The following GALNT16 variants were observed in gnomAD, a reference collection of about 807,000 sequenced individuals.
The protein encoded by GALNT16 is polypeptide N-acetylgalactosaminyltransferase 16.
Under a neutral mutation model 76.1 loss-of-function variants are expected in GALNT16, and 40 were observed. The observed-to-expected ratio is 0.53, with a 90% confidence interval of 0.41 to 0.68. The LOEUF is 0.68. Ranked by LOEUF, GALNT16 falls within the 30% of genes least tolerant of loss-of-function variation. The pLI is 0.00. For missense variants in GALNT16, 621 were observed against 731.9 expected (o/e 0.85, Z 1.75); for synonymous variants, 276 against 285.2 (o/e 0.97, Z 0.32).
chr14:69,341,013 G>A (rs111499492), intron 11 of GALNT16, among the ~76,000 whole-genome samples: 238 of 152,194 alleles, frequency 1.6e-3, no homozygotes, highest in African/African-American at 5.6e-3. Context: ...GAAAAAATAA[G>A]TTATGTCACT....
chr14:69,384,227 TA>T, the GALNT16 span, among the ~76,000 whole-genome samples: 1 of 152,224 alleles, frequency 6.6e-6, no homozygotes. Context: ...TAATTAAAAA[TA>T]AAACTCTATC....
intron 1 of GALNT16, among the ~76,000 whole-genome samples, chr14:69,287,211 G>A (rs2044625214): frequency 6.6e-6 from 1 of 152,130 alleles, no homozygotes; most frequent in African/African-American, 2.4e-5. Context: ...AGCATCTTTT[G>A]TACAATTGCC....
In GALNT16 at chr14:69,333,215, C is replaced by T. The variant is rs747905772; in HGVS notation, c.863+46C>T. 1.5e-6 allele frequency: 2 copies of T among 1,350,038 alleles called. No individual in the cohort carries two copies. The highest frequency in any genetic ancestry group is 1.9e-5 in the Admixed American group (1 of 51,480). 83.6% of individuals were successfully genotyped at this position (1,350,038 alleles called of 1,614,324 possible). ...TGGGGGACCCCTTCCTTCCCTGGGT[C>T]AGGGGCCTGGGAGGCTCTTGGGAGG... is the stretch of plus-strand genomic sequence containing the variant. On this transcript the variant is annotated intron_variant, in intron 8 of 14. Coordinates refer to ENST00000448469, the MANE Select transcript of GALNT16 (RefSeq NM_001168368.2). This position sits in a 1 kb window ranked among gnomAD's most constrained non-coding sequence, Gnocchi z 4.2.
the GALNT16 span, among the ~76,000 whole-genome samples, chr14:69,379,331 T>A: frequency 6.6e-6 from 1 of 152,312 alleles, no homozygotes; most frequent in South Asian, 2.1e-4. Context: ...TCTAATAATC[T>A]CTTGGTACAG....
At chr14:69,325,836 C>T in intron 4 of GALNT16, 126 bp from the exon 5 acceptor site, 2 of 739,634 alleles carry the variant, frequency 2.7e-6, no homozygotes, top group Non-Finnish European at 4.8e-6. Context: ...GATGACCATA[C>T]CTCTTCCCAA....
In GALNT16 at chr14:69,352,210, G is replaced by T; in HGVS notation, c.*42G>T. The T allele has an allele frequency of 6.5e-7, 1 of 1,544,380 alleles. No individual in the cohort carries two copies. On this transcript the variant is annotated 3_prime_UTR_variant, in exon 15 of 15. Transcript: ENST00000448469. Reference sequence around the variant, plus strand: ...TCCTGTACCTTTTGCATGAGACTTCGGGACCGGAAGGGGGTTAGGGTGGGG... The same window carrying T: ...TCCTGTACCTTTTGCATGAGACTTCTGGACCGGAAGGGGGTTAGGGTGGGG...
At chr14:69,301,945 C>T (rs942931961) in intron 1 of GALNT16, among the ~76,000 whole-genome samples, 2 of 152,098 alleles carry the variant, frequency 1.3e-5, no homozygotes, top group Admixed American at 6.6e-5. Context: ...GCCGAGATGG[C>T]GCCAGCTTGG....
the GALNT16 span, among the ~76,000 whole-genome samples, chr14:69,371,941 C>G: frequency 6.6e-6 from 1 of 150,664 alleles, no homozygotes; most frequent in African/African-American, 2.4e-5. Context: ...AAGACTGTCT[C>G]AAAAAAAATA....
Position 69,328,552 on chromosome 14 carries a change from T to G in GALNT16, c.671T>G (p.Met224Arg). The change falls in exon 6 of 15, where the codon ATG becomes AGG. Residue 224 changes from methionine to arginine, a missense_variant. Transcript: ENST00000448469. ...CEVNTEWLPP[M>R]LQRVKEDHTR... is the part of the protein sequence containing the mutation. Reference sequence around the variant, plus strand: ...GTGAACACCGAGTGGCTGCCGCCCATGCTGCAGCGGGTGAAGGAGGTGAGC... The same window carrying G: ...GTGAACACCGAGTGGCTGCCGCCCAGGCTGCAGCGGGTGAAGGAGGTGAGC... The G allele has an allele frequency of 6.2e-7, 1 of 1,613,518 alleles. No homozygotes were observed. Among genetic ancestry groups the G allele is most frequent in the Non-Finnish European group, 8.5e-7 (1 of 1,179,908 alleles).
At chr14:69,306,998 A>G (rs1287514331) in intron 1 of GALNT16, among the ~76,000 whole-genome samples, 1 of 152,176 alleles carries the variant, frequency 6.6e-6, no homozygotes, top group Non-Finnish European at 1.5e-5. Context: ...CCTCAATAAA[A>G]CACACATCTC....
intron 1 of GALNT16, among the ~76,000 whole-genome samples, chr14:69,279,223 C>T (rs939435567): frequency 3.9e-5 from 6 of 152,206 alleles, no homozygotes; most frequent in South Asian, 2.1e-4. Context: ...TGAGCCACCA[C>T]GCCTGGCCAT....
chr14:69,382,568 T>C, the GALNT16 span, among the ~76,000 whole-genome samples: 2 of 152,008 alleles, frequency 1.3e-5, no homozygotes, highest in African/African-American at 2.4e-5. Flanking sequence ...TGCCAGTGGC[T>C]CATGCCTGTA....
At chr14:69,328,699 C>T in intron 6 of GALNT16, 128 bp downstream of exon 6, 1 of 838,314 alleles carries the variant, frequency 1.2e-6, no homozygotes, top group Non-Finnish European at 1.8e-6. Flanking sequence ...GTCTACTTCC[C>T]CCTGAGTGAC....
chr14:69,297,084 A>G lies in GALNT16; in HGVS notation c.178-23627A>G, dbSNP rs554274671. ...ATTATTTCAGTCTTTTACTCTTAAC[A>G]GGCAATGCTGTGGTTCATTGCCTTG... On this transcript the variant is annotated intron_variant, in intron 1 of 14. Transcript: ENST00000448469. 6.2e-4 allele frequency among the ~76,000 whole-genome samples: 95 copies of G among 152,378 alleles called. 3 individuals are homozygous for G. In the South Asian group the frequency reaches 0.019, roughly 31 times the overall value.
At chr14:69,329,223 G>A (rs986329595) in intron 6 of GALNT16, among the ~76,000 whole-genome samples, 3 of 152,262 alleles carry the variant, frequency 2.0e-5, no homozygotes, top group Non-Finnish European at 2.9e-5. Flanking sequence ...TGGGCATGAC[G>A]GCGGGTGCCT....
At position 69,346,778 on chromosome 14, in the gene GALNT16, G is replaced by A. The variant is rs369479093; in HGVS notation, c.1272-262G>A. 3.3e-4 allele frequency among the ~76,000 whole-genome samples: 50 copies of A among 152,228 alleles called. 2 individuals are homozygous for A. The South Asian group carries it at 0.01, about 31-fold the overall frequency. On this transcript the variant is annotated intron_variant, in intron 12 of 14. Transcript: ENST00000448469. Reference sequence around the variant, plus strand: ...TTTTCCAGCCTGAGCTCCGCCCATGGCTCCCCCATCCTCTATGTCTCAGGC... The same window carrying A: ...TTTTCCAGCCTGAGCTCCGCCCATGACTCCCCCATCCTCTATGTCTCAGGC...
intron 1 of GALNT16, among the ~76,000 whole-genome samples, chr14:69,282,374 C>G (rs1252238627): frequency 6.6e-6 from 1 of 152,136 alleles, no homozygotes; most frequent in Non-Finnish European, 1.5e-5. Context: ...CTCAAGTTGT[C>G]CTGCCCTGGG....
At position 69,263,985 on chromosome 14, in the gene GALNT16, T is replaced by G. The variant is rs1046366666; in HGVS notation, c.177+3518T>G. Among the ~76,000 whole-genome samples the G allele has an allele frequency of 2.0e-5, 3 of 152,234 alleles. No individual in the cohort carries two copies. The South Asian group carries it at 6.2e-4, about 32-fold the overall frequency. On this transcript the variant is annotated intron_variant, in intron 1 of 14. Transcript: ENST00000448469. ...CAGCAGCCAAACTGGGAGGCAGGGC[T>G]GACACAGCCGGCCTTGAGTCTTCAG... is the stretch of plus-strand genomic sequence containing the variant.
the GALNT16 span, among the ~76,000 whole-genome samples, chr14:69,381,053 C>T: frequency 2.6e-5 from 4 of 152,086 alleles, no homozygotes; most frequent in Non-Finnish European, 5.9e-5. Flanking sequence ...GAGGCTGAGG[C>T]GGGTGATCAC....
Sources: gnomAD v4.1 joint callset for allele counts (sites outside exome capture counted in the v4.1 genomes callset) on GRCh38, gnomAD v4.1.1 for gene constraint, Gnocchi (gnomAD v3.1) non-coding constraint, MANE v1.5 for transcripts, NCBI Gene and HGNC (gene_info 2026-07-23, HGNC 2026-07-21) for gene names.